The following ANKMY2 variants were observed in gnomAD, a reference collection of about 807,000 sequenced individuals.
ANKMY2 encodes ankyrin repeat and MYND domain-containing protein 2.
A neutral mutation model predicts 50.4 loss-of-function variants in ANKMY2; 36 were observed. The ratio of observed to expected loss-of-function variants is 0.71; its 90% CI spans 0.55 to 0.94. The LOEUF (loss-of-function observed/expected upper bound fraction) is 0.94. Ranked by LOEUF, ANKMY2 falls within the 40% of genes least tolerant of loss-of-function variation. ANKMY2 has a pLI of 0.00. For synonymous variants in ANKMY2, 187 were observed against 178.8 expected (o/e 1.05, Z -0.36); for missense variants, 565 against 524.0 (o/e 1.08, Z -0.76).
intron 2 of ANKMY2, among the ~76,000 whole-genome samples, chr7:16,628,660 A>G (rs910255291): frequency 6.6e-6 from 1 of 152,176 alleles, no homozygotes; most frequent in Non-Finnish European, 1.5e-5. Flanking sequence ...GAATCTGTCC[A>G]TAAGAAGCTA....
intron 1 of ANKMY2, among the ~76,000 whole-genome samples, chr7:16,636,909 A>G (rs1378847364): frequency 6.6e-6 from 1 of 152,258 alleles, no homozygotes; most frequent in Non-Finnish European, 1.5e-5. Flanking sequence ...TATTTATAAT[A>G]GAGTGCTTGG....
At position 16,623,712 on chromosome 7, in the gene ANKMY2, A is replaced by G. The variant is rs1009025132; in HGVS notation, c.370+1271T>C. ...CTTTCCCCCTGCAGTGACACCCTCA[A>G]AATTAGCTCAGAACTGAGATGGGGC... is the stretch of plus-strand genomic sequence containing the variant. On this transcript the variant is annotated intron_variant, in intron 4 of 9. Coordinates refer to ENST00000306999, the MANE Select transcript of ANKMY2 (RefSeq NM_020319.3). Among the ~76,000 whole-genome samples, 12 of 152,256 alleles carry G rather than the reference A, an allele frequency of 7.9e-5. No individual in the cohort carries two copies. In the South Asian group the frequency reaches 1.7e-3, roughly 21 times the overall value.
At chr7:16,639,644 T>G (rs1271173373) in intron 1 of ANKMY2, among the ~76,000 whole-genome samples, 2 of 152,132 alleles carry the variant, frequency 1.3e-5, no homozygotes, top group South Asian at 2.1e-4. Context: ...TAGCAAGGTG[T>G]GGTGGCATGG....
chr7:16,605,199 C>T (rs1414647750), intron 7 of ANKMY2, among the ~76,000 whole-genome samples: 2 of 152,164 alleles, frequency 1.3e-5, no homozygotes, highest in Non-Finnish European at 2.9e-5. Flanking sequence ...TGAGAACTGA[C>T]ATCCAGAAAA....
At chr7:16,617,586 G>A (rs184193288) in intron 4 of ANKMY2, among the ~76,000 whole-genome samples, 96 of 152,254 alleles carry the variant, frequency 6.3e-4, no homozygotes, top group Admixed American at 2.0e-3. Flanking sequence ...AGACTTTCAA[G>A]AGCCGCAGAG....
chr7:16,606,864 T>A (rs1044447792), intron 7 of ANKMY2, among the ~76,000 whole-genome samples: 3 of 152,246 alleles, frequency 2.0e-5, no homozygotes, highest in African/African-American at 7.2e-5. Context: ...ATGAAAGTGC[T>A]ACGAATTCTC....
At chr7:16,635,402 G>A (rs1735307541) in intron 2 of ANKMY2, among the ~76,000 whole-genome samples, 2 of 152,040 alleles carry the variant, frequency 1.3e-5, no homozygotes, top group African/African-American at 4.8e-5. Context: ...AATCTTTGAG[G>A]TAATGGATAT....
chr7:16,620,523 G>A (rs1583676105), intron 4 of ANKMY2, among the ~76,000 whole-genome samples: 1 of 151,910 alleles, frequency 6.6e-6, no homozygotes, highest in African/African-American at 2.4e-5. Context: ...TAAATATGGG[G>A]CCTTGGGGAT....
chr7:16,600,111 T>C lies in ANKMY2; in HGVS notation c.*650A>G, dbSNP rs1297340956. The C allele has an allele frequency of 1.3e-5, 2 of 152,232 alleles. No individual in the cohort carries two copies. Among genetic ancestry groups the C allele is most frequent in the African/African-American group, 2.4e-5 (1 of 41,462 alleles). 9.4% of individuals were successfully genotyped at this position (152,232 alleles called of 1,614,324 possible). A position where few individuals can be genotyped will look rare whatever the true frequency, so the allele number is the denominator to read the frequency against. On this transcript the variant is annotated 3_prime_UTR_variant, in exon 10 of 10. Coordinates refer to ENST00000306999, the MANE Select transcript of ANKMY2 (RefSeq NM_020319.3). ...ACGCTGAGAGAACCGTCAATATGCC[T>C]TTGTTCCTGCTGAGGGATCTGCCAT...
At chr7:16,619,215 G>A (rs967025000) in intron 4 of ANKMY2, among the ~76,000 whole-genome samples, 25 of 150,308 alleles carry the variant, frequency 1.7e-4, no homozygotes, top group Non-Finnish European at 2.7e-4. Context: ...GTGCAATGGC[G>A]CGATCTTGGC....
At chr7:16,637,525 T>C (rs1219787117) in intron 1 of ANKMY2, among the ~76,000 whole-genome samples, 1 of 152,208 alleles carries the variant, frequency 6.6e-6, no homozygotes, top group Non-Finnish European at 1.5e-5. Context: ...TACACGTCCC[T>C]GGAGTATGAT....
intron 1 of ANKMY2, among the ~76,000 whole-genome samples, chr7:16,640,743 G>A (rs1781734344): frequency 6.6e-6 from 1 of 151,998 alleles, no homozygotes; most frequent in Non-Finnish European, 1.5e-5. Flanking sequence ...CAGGCTGGTG[G>A]CAAACTCCTG....
intron 4 of ANKMY2, among the ~76,000 whole-genome samples, chr7:16,619,429 C>T (rs955768403): frequency 1.3e-5 from 2 of 152,170 alleles, no homozygotes; most frequent in African/African-American, 4.8e-5. Flanking sequence ...GCTGGGATTA[C>T]AGGCGTGAGC....
At position 16,600,668 on chromosome 7, in the gene ANKMY2, C is replaced by G. The variant is rs905927089; in HGVS notation, c.*93G>C. ...AATGTGGAATCCTGCCATGGTGCCA[C>G]GCAGGTATAACAAGGTGAGGACAAT... On this transcript the variant is annotated 3_prime_UTR_variant, in exon 10 of 10. Coordinates refer to ENST00000306999, the MANE Select transcript of ANKMY2 (RefSeq NM_020319.3). 7.1e-6 allele frequency: 8 copies of G among 1,130,174 alleles called. No homozygotes were observed. Among genetic ancestry groups the G allele is most frequent in the Non-Finnish European group, 9.6e-6 (8 of 834,260 alleles). 70.0% of individuals were successfully genotyped at this position (1,130,174 alleles called of 1,614,324 possible). A position where few individuals can be genotyped will look rare whatever the true frequency, so the allele number is the denominator to read the frequency against.
At chr7:16,611,742 C>T (rs963214049) in intron 5 of ANKMY2, among the ~76,000 whole-genome samples, 1 of 152,140 alleles carries the variant, frequency 6.6e-6, no homozygotes, top group Non-Finnish European at 1.5e-5. Flanking sequence ...TGATCCCCAC[C>T]CTTCACCTAT....
chr7:16,613,285 G>T (rs560929462), intron 5 of ANKMY2, among the ~76,000 whole-genome samples: 14 of 152,262 alleles, frequency 9.2e-5, no homozygotes, highest in Admixed American at 7.9e-4. Flanking sequence ...GTGTATTGGG[G>T]AGAATTTCCG....
intron 4 of ANKMY2, 77 bp downstream of exon 4, chr7:16,624,906 T>C: frequency 8.0e-7 from 1 of 1,242,280 alleles, no homozygotes; most frequent in Non-Finnish European, 1.2e-6. Flanking sequence ...ATTTTCACCA[T>C]GAGAAGCAAA....
chr7:16,624,947 G>A, intron 4 of ANKMY2, 36 bp downstream of exon 4: 2 of 1,558,732 alleles, frequency 1.3e-6, no homozygotes, highest in Non-Finnish European at 1.8e-6. Flanking sequence ...GGAAATTTTG[G>A]GTATAATCTA....
At chr7:16,601,158 C>T (rs1781054333) in intron 9 of ANKMY2, among the ~76,000 whole-genome samples, 1 of 152,134 alleles carries the variant, frequency 6.6e-6, no homozygotes, top group Non-Finnish European at 1.5e-5. Flanking sequence ...ACAGCAGAAC[C>T]AGCATTTGAA....
Sources: gnomAD v4.1 joint callset for allele counts (sites outside exome capture counted in the v4.1 genomes callset) on GRCh38, gnomAD v4.1.1 for gene constraint, MANE v1.5 for transcripts, NCBI Gene and HGNC (gene_info 2026-07-23, HGNC 2026-07-21) for gene names.